GPHN: variants seen among roughly 807,000 people sequenced by gnomAD.
The protein encoded by GPHN is gephyrin.
A neutral mutation model predicts 95.5 loss-of-function variants in GPHN; 17 were observed. The ratio of observed to expected loss-of-function variants is 0.18; its 90% CI spans 0.12 to 0.27. The LOEUF (loss-of-function observed/expected upper bound fraction) is 0.27. GPHN is among the 10% of genes least tolerant of loss of function. The probability of loss-of-function intolerance (pLI) is 1.00; values close to 1 mark genes in which losing one functional copy is unlikely to be tolerated. For missense variants in GPHN, 660 were observed against 978.1 expected (o/e 0.67, Z 4.34); for synonymous variants, 320 against 322.5 (o/e 0.99, Z 0.08).
intron 1 of GPHN, among the ~76,000 whole-genome samples, chr14:66,662,285 T>C (rs144198360): frequency 6.6e-6 from 1 of 152,132 alleles, no homozygotes; most frequent in Non-Finnish European, 1.5e-5. Flanking sequence ...ACCAGGTCTG[T>C]ACCCCTCTGG....
At chr14:67,013,868 A>G (rs969511030) in intron 9 of GPHN, among the ~76,000 whole-genome samples, 3 of 152,042 alleles carry the variant, frequency 2.0e-5, no homozygotes, top group Non-Finnish European at 4.4e-5. Flanking sequence ...CAGTATTTCA[A>G]ACTTCATGCT....
the GPHN span, among the ~76,000 whole-genome samples, chr14:67,525,333 T>C: frequency 1.3e-5 from 2 of 152,240 alleles, no homozygotes; most frequent in Non-Finnish European, 2.9e-5. Context: ...TGAATATCTT[T>C]CCTTGTCAAT....
chr14:67,096,089 G>A (rs1162260353), intron 12 of GPHN, among the ~76,000 whole-genome samples: 6 of 151,064 alleles, frequency 4.0e-5, no homozygotes, highest in Non-Finnish European at 7.4e-5. Context: ...TGAGAAATAA[G>A]AGAAATAAGA....
intron 5 of GPHN, among the ~76,000 whole-genome samples, chr14:66,896,938 A>G (rs2064883900): frequency 6.6e-6 from 1 of 152,284 alleles, no homozygotes; most frequent in African/African-American, 2.4e-5. Context: ...CTCATATTCA[A>G]ACTTGATAAA....
intron 4 of GPHN, among the ~76,000 whole-genome samples, chr14:66,848,304 G>A (rs1267631876): frequency 2.0e-5 from 3 of 151,936 alleles, no homozygotes; most frequent in Non-Finnish European, 1.5e-5. Flanking sequence ...GGTGGTAATC[G>A]CCCTACAGAG....
At chr14:66,664,425 T>C (rs1389566861) in intron 1 of GPHN, among the ~76,000 whole-genome samples, 1 of 152,110 alleles carries the variant, frequency 6.6e-6, no homozygotes, top group Admixed American at 6.5e-5. Flanking sequence ...TCAAGTTCTT[T>C]CAAACTAATA....
chr14:67,503,354 A>G, the GPHN span: 1 of 152,190 alleles, frequency 6.6e-6, no homozygotes, highest in Non-Finnish European at 1.5e-5. Flanking sequence ...TGTATGCCAG[A>G]TTAGTTGTGC....
At chr14:67,140,204 T>A (rs1053563694) in intron 17 of GPHN, among the ~76,000 whole-genome samples, 3 of 152,084 alleles carry the variant, frequency 2.0e-5, no homozygotes, top group African/African-American at 4.8e-5. Flanking sequence ...GCCAACATGG[T>A]GAAACCCTGT....
the GPHN span, among the ~76,000 whole-genome samples, chr14:67,537,276 G>A: frequency 0.084 from 12,455 of 147,862 alleles, 661 homozygotes; most frequent in East Asian, 0.13. Flanking sequence ...CCCGGGAGGC[G>A]GAGGTTGCAG....
chr14:66,725,004 A>G (rs529519108), intron 2 of GPHN, among the ~76,000 whole-genome samples: 5 of 152,134 alleles, frequency 3.3e-5, no homozygotes, highest in Admixed American at 6.6e-5. Context: ...TTTAGGAGGT[A>G]ATTAAGGTTA....
chr14:67,731,259 G>T, the GPHN span, among the ~76,000 whole-genome samples: 1 of 138,630 alleles, frequency 7.2e-6, no homozygotes, highest in African/African-American at 2.7e-5. Flanking sequence ...CTGTTGCCCA[G>T]GCTGGAGTGC....
chr14:67,508,365 C>T, the GPHN span, among the ~76,000 whole-genome samples: 430 of 152,120 alleles, frequency 2.8e-3, 3 homozygotes, highest in African/African-American at 9.8e-3. Flanking sequence ...GCATTATTAC[C>T]TGAAGAGAGG....
chr14:66,997,194 C>T (rs1183712230), intron 9 of GPHN, among the ~76,000 whole-genome samples: 6 of 151,718 alleles, frequency 4.0e-5, no homozygotes, highest in African/African-American at 9.7e-5. Context: ...GGTGAAACCC[C>T]GTCTCTACTA....
chr14:67,462,275 C>T, the GPHN span, among the ~76,000 whole-genome samples: 12 of 152,300 alleles, frequency 7.9e-5, no homozygotes, highest in East Asian at 2.3e-3. Context: ...GGATTGTCCC[C>T]ATGCAGAAAG....
At chr14:66,554,089 G>T (rs2059922667) in intron 1 of GPHN, among the ~76,000 whole-genome samples, 1 of 151,766 alleles carries the variant, frequency 6.6e-6, no homozygotes, top group African/African-American at 2.4e-5. Context: ...ACAATATTTG[G>T]CTGCTTATCT....
chr14:66,818,348 T>C (rs1227402170), intron 3 of GPHN, among the ~76,000 whole-genome samples: 1 of 152,038 alleles, frequency 6.6e-6, no homozygotes, highest in African/African-American at 2.4e-5. Context: ...TCACAACAAG[T>C]GGTATTTGGC....
chr14:67,555,351 G>T, the GPHN span, among the ~76,000 whole-genome samples: 1 of 152,222 alleles, frequency 6.6e-6, no homozygotes, highest in Non-Finnish European at 1.5e-5. Context: ...TGGGTGAGGA[G>T]GTATTCATCC....
At chr14:67,587,192 T>G in the GPHN span, 2 of 1,613,878 alleles carry the variant, frequency 1.2e-6, no homozygotes, top group Non-Finnish European at 1.7e-6. Flanking sequence ...CGACAGTTCT[T>G]TTCTTCTGTT....
At chr14:67,341,547 G>A in the GPHN span, among the ~76,000 whole-genome samples, 8 of 151,126 alleles carry the variant, frequency 5.3e-5, no homozygotes, top group South Asian at 2.1e-4. Context: ...CAGCCGCCCC[G>A]TCCGGGAGGG....
Sources: allele counts gnomAD v4.1 joint callset (sites outside exome capture counted in the v4.1 genomes callset), GRCh38; gene constraint gnomAD v4.1.1; transcripts MANE v1.5; gene names NCBI Gene and HGNC (gene_info 2026-07-23, HGNC 2026-07-21).